The following CNTN1 variants were observed in gnomAD, a reference collection of about 807,000 sequenced individuals.
The protein encoded by CNTN1 is contactin 1.
Under a neutral mutation model 126.4 loss-of-function variants are expected in CNTN1, and 38 were observed. The observed-to-expected ratio is 0.30, with a 90% CI of 0.23 to 0.39. CNTN1 has a LOEUF of 0.39. Ranked by LOEUF, CNTN1 falls within the 10% of genes least tolerant of loss-of-function variation. CNTN1 has a pLI of 1.00. For missense variants in CNTN1, 1,009 were observed against 1,248.4 expected, an observed-to-expected ratio of 0.81 and a Z score of 2.89; for synonymous variants, 413 against 422.6, an observed-to-expected ratio of 0.98 and a Z score of 0.28.
intron 1 of CNTN1, among the ~76,000 whole-genome samples, chr12:40,792,907 C>A (rs190154643): frequency 2.0e-5 from 3 of 152,040 alleles, no homozygotes; most frequent in African/African-American, 7.2e-5. Context: ...ACTATTCAGA[C>A]GGGTTACAGA....
intron 23 of CNTN1, among the ~76,000 whole-genome samples, chr12:41,035,293 G>A (rs1484060699): frequency 1.3e-5 from 2 of 152,168 alleles, no homozygotes; most frequent in Non-Finnish European, 1.5e-5. Flanking sequence ...TTTCATTAAT[G>A]AAATAAAGTC....
At chr12:40,766,032 G>A (rs1261835523) in intron 1 of CNTN1, among the ~76,000 whole-genome samples, 1 of 152,142 alleles carries the variant, frequency 6.6e-6, no homozygotes, top group Non-Finnish European at 1.5e-5. Flanking sequence ...CTTGAGAAGT[G>A]CTTGACGGTT....
intron 15 of CNTN1, among the ~76,000 whole-genome samples, chr12:40,965,426 A>G (rs1351048323): frequency 6.6e-6 from 1 of 152,188 alleles, no homozygotes; most frequent in Non-Finnish European, 1.5e-5. Flanking sequence ...AAGATTATCA[A>G]GTCTATTCTG....
In CNTN1 at chr12:40,812,943, A is replaced by ATTTT. The variant is rs36133223; in HGVS notation, c.-76-95401_-76-95398dup. 1.7e-3 allele frequency among the ~76,000 whole-genome samples: 227 copies of ATTTT among 131,688 alleles called. 1 individual carries two copies. Among genetic ancestry groups the ATTTT allele is most frequent in the African/African-American group, 6.0e-3 (216 of 36,216 alleles). The allele number at this position is 131,688 out of a possible 152,430, so 86.4% of individuals were successfully genotyped here. On this transcript the variant is annotated intron_variant, in intron 1 of 23. Transcript: ENST00000551295. ...AGGACTTAATACTGCCAGTTTGTTAATTTTTTTTTTTTTTTTGGTTGTTTT... is the reference window on the plus strand; with the variant it reads ...AGGACTTAATACTGCCAGTTTGTTAATTTTTTTTTTTTTTTTTTTTGGTTGTTTT...
rs1945968251 is a variant in CNTN1 at position 40,933,479 on chromosome 12, C to T, written c.722C>T (p.Pro241Leu). ...ATATTAGGAACAACAAAACCATATCCTGCTGATATTGTAGTTCAGTTCAAG... is the reference window on the plus strand; with the variant it reads ...ATATTAGGAACAACAAAACCATATCTTGCTGATATTGTAGTTCAGTTCAAG... Reference protein sequence around the residue: ...PIPERTTKPYPADIVVQFKDV... With the variant: ...PIPERTTKPYLADIVVQFKDV... The change falls in exon 8 of 24, where the codon CCT becomes CTT. Residue 241 changes from proline (P) to leucine (L), a missense_variant. Physicochemically the swap from Pro to Leu is moderately conservative, Grantham distance 98 (BLOSUM62 -3). Coordinates refer to ENST00000551295, the MANE Select transcript of CNTN1 (RefSeq NM_001843.4). The T allele has an allele frequency of 6.2e-7, 1 of 1,607,170 alleles. No individual in the cohort carries two copies. Among genetic ancestry groups the T allele is most frequent in the Non-Finnish European group, 8.5e-7 (1 of 1,174,150 alleles).
At chr12:40,912,622 A>C (rs956079050) in intron 3 of CNTN1, among the ~76,000 whole-genome samples, 1 of 152,108 alleles carries the variant, frequency 6.6e-6, no homozygotes, top group African/African-American at 2.4e-5. Context: ...TATAATATCC[A>C]AAGCTAATAT....
intron 1 of CNTN1, among the ~76,000 whole-genome samples, chr12:40,857,496 C>T (rs1942954265): frequency 6.6e-6 from 1 of 151,998 alleles, no homozygotes; most frequent in Non-Finnish European, 1.5e-5. Flanking sequence ...GGGTTAGAAA[C>T]ATTTATACCT....
intron 15 of CNTN1, chr12:40,971,635 T>C: frequency 6.7e-7 from 1 of 1,483,222 alleles, no homozygotes; most frequent in Middle Eastern, 1.9e-4. Context: ...TCTTAGAGTA[T>C]GTTTCCCCTT....
chr12:40,810,599 T>C (rs1465640659), intron 1 of CNTN1, among the ~76,000 whole-genome samples: 1 of 152,160 alleles, frequency 6.6e-6, no homozygotes, highest in Non-Finnish European at 1.5e-5. Context: ...GATTGATTTT[T>C]TTTTTTTTTA....
At chr12:40,810,121 C>T (rs1318900665) in intron 1 of CNTN1, among the ~76,000 whole-genome samples, 1 of 152,044 alleles carries the variant, frequency 6.6e-6, no homozygotes, top group Non-Finnish European at 1.5e-5. Context: ...GCTGAAAGTC[C>T]ATAAATGAAG....
chr12:41,026,798 T>C (rs1188133910), intron 21 of CNTN1, among the ~76,000 whole-genome samples: 1 of 152,186 alleles, frequency 6.6e-6, no homozygotes, highest in Non-Finnish European at 1.5e-5. Flanking sequence ...AAAAAAGTCA[T>C]TCTGGCATCT....
chr12:40,694,403 T>C (rs956048736), intron 1 of CNTN1, among the ~76,000 whole-genome samples: 3 of 152,244 alleles, frequency 2.0e-5, no homozygotes, highest in African/African-American at 7.2e-5. Flanking sequence ...CTTTCCATTT[T>C]CACAGATGAA....
In CNTN1 at chr12:40,910,827, T is replaced by TGTA. The variant is rs1370068470; in HGVS notation, c.94+724_94+726dup. Among the ~76,000 whole-genome samples the TGTA allele has an allele frequency of 1.4e-4, 21 of 152,244 alleles. No individual in the cohort carries two copies. In the East Asian group the frequency reaches 4.1e-3, roughly 29 times the overall value. ...GACTGGCAAGTAGGTGCTTAATGAG[T>TGTA]GTAGCAACACTAGTAACTTACAAAA... On this transcript the variant is annotated intron_variant, in intron 3 of 23. Transcript: ENST00000551295.
In CNTN1 at chr12:41,037,395, A is replaced by G. The variant is rs1253334931; in HGVS notation, c.2980+8176A>G. On this transcript the variant is annotated intron_variant, in intron 23 of 23. Coordinates refer to ENST00000551295, the MANE Select transcript of CNTN1 (RefSeq NM_001843.4). ...TCTATATTTATGTATGTATATATAT[A>G]TACAAATACTTGCCATTGTATTACA... Among the ~76,000 whole-genome samples, 5 of 152,128 alleles carry G rather than the reference A, an allele frequency of 3.3e-5. No individual in the cohort carries two copies. The South Asian group carries it at 6.2e-4, about 19-fold the overall frequency.
At chr12:40,737,492 C>T (rs1433140562) in intron 1 of CNTN1, among the ~76,000 whole-genome samples, 1 of 150,936 alleles carries the variant, frequency 6.6e-6, no homozygotes, top group East Asian at 1.9e-4. Context: ...AACCTGGAGT[C>T]CGATGTTCAA....
intron 3 of CNTN1, among the ~76,000 whole-genome samples, chr12:40,911,923 C>G (rs1302972325): frequency 1.3e-5 from 2 of 152,104 alleles, no homozygotes; most frequent in African/African-American, 2.4e-5. Flanking sequence ...CTAAGCTGAG[C>G]TTTGTCATGA....
chr12:40,877,142 A>G (rs1233137953), intron 1 of CNTN1, among the ~76,000 whole-genome samples: 2 of 152,180 alleles, frequency 1.3e-5, no homozygotes, highest in African/African-American at 4.8e-5. Context: ...CCATCTGACA[A>G]TTTGCTATTA....
At chr12:40,839,302 G>C (rs540248462) in intron 1 of CNTN1, among the ~76,000 whole-genome samples, 36 of 152,280 alleles carry the variant, frequency 2.4e-4, no homozygotes, top group African/African-American at 8.4e-4. Flanking sequence ...CCATTGGATA[G>C]TCAAGTTACT....
chr12:40,839,792 A>G (rs1942205591), intron 1 of CNTN1, among the ~76,000 whole-genome samples: 1 of 152,198 alleles, frequency 6.6e-6, no homozygotes, highest in African/African-American at 2.4e-5. Flanking sequence ...GCAAAAGAAC[A>G]ACATTCACCA....
Sources: gnomAD v4.1 joint callset for allele counts (sites outside exome capture counted in the v4.1 genomes callset) on GRCh38, gnomAD v4.1.1 for gene constraint, MANE v1.5 for transcripts, NCBI Gene and HGNC (gene_info 2026-07-23, HGNC 2026-07-21) for gene names.